FLYWCH1: variants seen among roughly 807,000 people sequenced by gnomAD.
FLYWCH1 encodes FLYWCH-type zinc finger-containing protein 1.
In FLYWCH1, 75 loss-of-function variants were observed where a neutral mutation model predicts 66.4. The ratio of observed to expected loss-of-function variants is 1.13; its 90% CI spans 0.94 to 1.37. The LOEUF (loss-of-function observed/expected upper bound fraction) is 1.37, where lower values mean the gene tolerates loss of function less well. Ranked by LOEUF, FLYWCH1 falls within the 40% of genes most tolerant of loss-of-function variation. The probability of loss-of-function intolerance (pLI) is 0.00; values close to 1 mark genes in which losing one functional copy is unlikely to be tolerated. For missense variants in FLYWCH1, 1,334 were observed against 1,001.8 expected (o/e 1.33, Z -4.48); for synonymous variants, 595 against 429.9 (o/e 1.38, Z -4.75).
chr16:2,913,978 G>A (rs979636116), intron 1 of FLYWCH1, among the ~76,000 whole-genome samples, 198 bp from the exon 2 acceptor site: 1 of 152,160 alleles, frequency 6.6e-6, no homozygotes, highest in Non-Finnish European at 1.5e-5. Flanking sequence ...CCAAACTGCT[G>A]AGATGACAGG....
chr16:2,918,083 C>CCCA (rs2070235085), intron 2 of FLYWCH1, among the ~76,000 whole-genome samples: 1 of 151,584 alleles, frequency 6.6e-6, no homozygotes, highest in Non-Finnish European at 1.5e-5. Context: ...AAGTGATCCA[C>CCCA]CCACCTCGGC....
rs750515320 is a variant in FLYWCH1 at position 2,948,672 on chromosome 16, G to A, written c.2112-16G>A. 5.0e-6 allele frequency: 8 copies of A among 1,613,150 alleles called. No individual in the cohort carries two copies. Among genetic ancestry groups the A allele is most frequent in the Non-Finnish European group, 6.8e-6 (8 of 1,179,188 alleles). On this transcript the variant is annotated splice_polypyrimidine_tract_variant and intron_variant, in intron 9 of 9. Coordinates refer to ENST00000253928, the MANE Select transcript of FLYWCH1 (RefSeq NM_001308068.2). ...GTTTTGATGTGTGCAATGAACATGTGTCTCTTTGTAATTAGGGACATCAAA... is the reference window on the plus strand; with the variant it reads ...GTTTTGATGTGTGCAATGAACATGTATCTCTTTGTAATTAGGGACATCAAA...
At chr16:2,920,467 T>A (rs1299404468) in intron 2 of FLYWCH1, among the ~76,000 whole-genome samples, 2 of 151,332 alleles carry the variant, frequency 1.3e-5, no homozygotes, top group Non-Finnish European at 2.9e-5. Flanking sequence ...TGAGCTAAGA[T>A]TACGCCATTG....
chr16:2,932,087 C>T (rs1206199065), intron 4 of FLYWCH1, among the ~76,000 whole-genome samples: 1 of 147,036 alleles, frequency 6.8e-6, no homozygotes. Context: ...CACCGCACTC[C>T]AGCCTGGGCA....
chr16:2,914,282 G>A lies in FLYWCH1; in HGVS notation c.-81G>A, dbSNP rs2074365. The A allele has an allele frequency of 0.54, 81,728 of 152,108 alleles. 22,298 individuals are homozygous for A. The highest frequency in any genetic ancestry group is 0.59 in the Middle Eastern group (173 of 294). The allele number at this position is 152,108 out of a possible 1,614,324, so 9.4% of individuals were successfully genotyped here. On this transcript the variant is annotated 5_prime_UTR_variant, in exon 2 of 10. The change creates a new upstream start codon in the 5' untranslated region. Coordinates refer to ENST00000253928, the MANE Select transcript of FLYWCH1 (RefSeq NM_001308068.2). ...GATGATGGTGACGCTTCTCACTCAC[G>A]TGTGAAGGTAATTCTGTGGCTCCAT...
At chr16:2,920,482 C>A (rs1426947792) in intron 2 of FLYWCH1, among the ~76,000 whole-genome samples, 2 of 151,348 alleles carry the variant, frequency 1.3e-5, no homozygotes, top group Non-Finnish European at 1.5e-5. Flanking sequence ...CCATTGCACT[C>A]CAGCCTGGGT....
At chr16:2,918,190 C>T (rs543169869) in intron 2 of FLYWCH1, among the ~76,000 whole-genome samples, 124 of 145,886 alleles carry the variant, frequency 8.5e-4, no homozygotes, top group African/African-American at 3.0e-3. Flanking sequence ...CTCTGTCGCC[C>T]AGGCTGGAGT....
chr16:2,938,587 A>C, intron 8 of FLYWCH1, 131 bp downstream of exon 8: 1 of 710,928 alleles, frequency 1.4e-6, no homozygotes. Flanking sequence ...TCATATAAAC[A>C]GAATGTGAAA....
At chr16:2,924,598 G>A (rs2070490417) in intron 2 of FLYWCH1, among the ~76,000 whole-genome samples, 1 of 152,190 alleles carries the variant, frequency 6.6e-6, no homozygotes, top group Non-Finnish European at 1.5e-5. Context: ...TGCAGACTCA[G>A]GGCCCTGGCC....
intron 2 of FLYWCH1, among the ~76,000 whole-genome samples, chr16:2,918,865 C>G (rs1224683420): frequency 2.6e-5 from 4 of 152,178 alleles, no homozygotes; most frequent in African/African-American, 9.7e-5. Flanking sequence ...GTGTCTTGTC[C>G]AAGTAATATT....
At chr16:2,931,820 C>T (rs1295828858) in intron 4 of FLYWCH1, among the ~76,000 whole-genome samples, 1 of 151,434 alleles carries the variant, frequency 6.6e-6, no homozygotes, top group Admixed American at 6.6e-5. Flanking sequence ...ATACAAAAAA[C>T]TAGCCTGGCG....
chr16:2,943,767 C>T (rs930118559), intron 9 of FLYWCH1, among the ~76,000 whole-genome samples: 1 of 151,926 alleles, frequency 6.6e-6, no homozygotes, highest in African/African-American at 2.4e-5. Flanking sequence ...GAAACTCTGT[C>T]TCTACTCAAA....
intron 2 of FLYWCH1, among the ~76,000 whole-genome samples, chr16:2,917,114 C>A (rs918022365): frequency 8.6e-5 from 13 of 151,440 alleles, no homozygotes; most frequent in Middle Eastern, 3.4e-3. Context: ...CGAGATCATG[C>A]CACTGCACTC....
chr16:2,939,992 G>A, intron 8 of FLYWCH1, 40 bp from the exon 9 acceptor site: 1 of 1,562,674 alleles, frequency 6.4e-7, no homozygotes. Flanking sequence ...TTCAACAAGA[G>A]AAGAATTATT....
At chr16:2,917,684 C>G (rs2070219696) in intron 2 of FLYWCH1, among the ~76,000 whole-genome samples, 1 of 152,098 alleles carries the variant, frequency 6.6e-6, no homozygotes, top group Non-Finnish European at 1.5e-5. Flanking sequence ...TCTTCTGTTT[C>G]CCAAGGTCAT....
rs373786669 is a variant in FLYWCH1, at chr16:2,933,463, G to A, written c.1130G>A (p.Gly377Asp). The A allele has an allele frequency of 1.2e-5, 20 of 1,602,864 alleles. No homozygotes were observed. The highest frequency in any genetic ancestry group is 1.7e-5 in the Admixed American group (1 of 58,038). Residue 377 changes from glycine (G) to aspartate (D), a missense_variant, in exon 5 of 10, where the codon GGT becomes GAT. Coordinates refer to ENST00000253928, the MANE Select transcript of FLYWCH1 (RefSeq NM_001308068.2). The part of the protein sequence containing the change: ...RGVDSLLYRR[G>D]PGPLTLTRPR... ...GTGGATAGTTTGCTCTACCGCAGGG[G>A]TCCGGGTCCCCTGACTCTCACCAGG... is the stretch of plus-strand genomic sequence containing the variant.
At chr16:2,925,480 C>A (rs1182269768) in intron 2 of FLYWCH1, among the ~76,000 whole-genome samples, 1 of 145,936 alleles carries the variant, frequency 6.9e-6, no homozygotes, top group Non-Finnish European at 1.5e-5. Flanking sequence ...CCCCATTCAT[C>A]CCTGGAGCTC....
chr16:2,922,014 G>C (rs2070391361), intron 2 of FLYWCH1, among the ~76,000 whole-genome samples: 1 of 152,206 alleles, frequency 6.6e-6, no homozygotes, highest in Non-Finnish European at 1.5e-5. Flanking sequence ...AATGAACTGA[G>C]ATCGTGCCAC....
Position 2,933,284 on chromosome 16 carries a change from C to T in FLYWCH1, c.951C>T (p.Ile317=), listed in dbSNP as rs1475146061. ...TGCACGGCTGCCGGAGCCGGGCCAT[C>T]ACCCAGGGACAGCGGGTGACTGTGA... ...HALHGCRSRA[I]TQGQRVTVMR... The change falls in exon 5 of 10, where the codon ATC becomes ATT. Residue 317 remains isoleucine (I), a synonymous_variant. Transcript: ENST00000253928. 4 of 1,612,540 alleles carry T rather than the reference C, an allele frequency of 2.5e-6. No individual in the cohort carries two copies.
Sources: allele counts gnomAD v4.1 joint callset (sites outside exome capture counted in the v4.1 genomes callset), GRCh38; gene constraint gnomAD v4.1.1; transcripts MANE v1.5; gene names NCBI Gene and HGNC (gene_info 2026-07-23, HGNC 2026-07-21).